Variants in B4GALT1 observed in about 807,000 individuals in gnomAD.
B4GALT1 encodes the protein beta-1,4-galactosyltransferase 1, also known as N-acetyllactosamine synthase.
Under a neutral mutation model 34.9 loss-of-function variants are expected in B4GALT1, and 16 were observed. That is an observed-to-expected ratio of 0.46 (90% CI 0.31 to 0.70). The LOEUF (loss-of-function observed/expected upper bound fraction) is 0.70, where lower values mean the gene tolerates loss of function less well. B4GALT1 is among the 30% of genes least tolerant of loss of function. B4GALT1 has a pLI of 0.05. For synonymous variants in B4GALT1, 221 were observed against 218.1 expected, an observed-to-expected ratio of 1.01 and a Z score of -0.12; for missense variants, 445 against 530.5, an observed-to-expected ratio of 0.84 and a Z score of 1.58.
chr9:33,150,144 G>GATATATACACACACACACAT (rs1840489458), intron 1 of B4GALT1, among the ~76,000 whole-genome samples: 1 of 148,816 alleles, frequency 6.7e-6, no homozygotes, highest in African/African-American at 2.5e-5. Flanking sequence ...TATAGATATA[G>GATATATACACACACACACAT]ATATATACAC....
intron 2 of B4GALT1, among the ~76,000 whole-genome samples, chr9:33,129,897 AGGAG>A (rs1302983619): frequency 6.6e-6 from 1 of 152,068 alleles, no homozygotes; most frequent in East Asian, 1.9e-4. Flanking sequence ...AGTGGAGAGG[AGGAG>A]GAAGTGGCTG....
intron 1 of B4GALT1, among the ~76,000 whole-genome samples, chr9:33,157,476 G>A (rs1840612943): frequency 1.3e-5 from 2 of 152,108 alleles, no homozygotes; most frequent in Non-Finnish European, 2.9e-5. Context: ...AAGGATACTA[G>A]ACAGCAACAA....
chr9:33,130,542 C>A (rs564483116), intron 2 of B4GALT1, among the ~76,000 whole-genome samples: 6 of 69,524 alleles, frequency 8.6e-5, no homozygotes, highest in Non-Finnish European at 1.7e-4. Context: ...CCTCTCCCGG[C>A]TCATTCCTTC....
At chr9:33,135,560 A>G (rs1564044645) in intron 1 of B4GALT1, 136 bp from the exon 2 acceptor site, 1 of 826,280 alleles carries the variant, frequency 1.2e-6, no homozygotes, top group Non-Finnish European at 2.0e-6. Context: ...GGCCACGGAG[A>G]GGGCCCTCCT....
At chr9:33,129,691 A>T (rs770823549) in intron 2 of B4GALT1, among the ~76,000 whole-genome samples, 1 of 152,202 alleles carries the variant, frequency 6.6e-6, no homozygotes, top group Non-Finnish European at 1.5e-5. Context: ...ATCCCTTTCC[A>T]GAAAGTTCTG....
chr9:33,108,511 C>T (rs145361417), downstream of B4GALT1, among the ~76,000 whole-genome samples: 11 of 151,430 alleles, frequency 7.3e-5, no homozygotes, highest in Admixed American at 2.6e-4. Context: ...GAGGCCAAGT[C>T]ATTTGCTCAT....
upstream of B4GALT1, chr9:33,167,373 G>A (rs1346867938): frequency 8.5e-6 from 5 of 587,062 alleles, no homozygotes; most frequent in Non-Finnish European, 1.3e-5. Context: ...GGAGAGGGGA[G>A]GGGCGGGGCC....
intron 1 of B4GALT1, among the ~76,000 whole-genome samples, chr9:33,144,393 C>A (rs778672644): frequency 1.2e-4 from 19 of 152,092 alleles, no homozygotes; most frequent in Admixed American, 2.6e-4. Context: ...TGCCACCACA[C>A]CCAGCTAATT....
intron 5 of B4GALT1, 70 bp from the exon 6 acceptor site, chr9:33,113,656 T>A (rs1839897593): frequency 1.2e-5 from 20 of 1,609,740 alleles, no homozygotes; most frequent in Non-Finnish European, 1.6e-5. Flanking sequence ...CACACGTACT[T>A]CCTCCTCCCT....
chr9:33,129,640 C>G (rs1029663219), intron 2 of B4GALT1, among the ~76,000 whole-genome samples: 1 of 152,198 alleles, frequency 6.6e-6, no homozygotes, highest in East Asian at 1.9e-4. Flanking sequence ...ATGAGGGACT[C>G]AGAGTCCGGG....
intron 1 of B4GALT1, among the ~76,000 whole-genome samples, chr9:33,161,039 C>CTT (rs72084206): frequency 2.6e-4 from 39 of 151,928 alleles, no homozygotes; most frequent in African/African-American, 9.2e-4. Flanking sequence ...CTCTCTCTCT[C>CTT]TCTCTCTGCC....
chr9:33,169,469 C>T (rs1474160378), upstream of B4GALT1, among the ~76,000 whole-genome samples: 3 of 152,034 alleles, frequency 2.0e-5, no homozygotes, highest in African/African-American at 7.2e-5. Context: ...CCTTTTCAGA[C>T]TACCTTATGC....
chr9:33,120,381 G>C (rs1267368031), intron 3 of B4GALT1, 38 bp downstream of exon 3: 4 of 1,607,250 alleles, frequency 2.5e-6, no homozygotes, highest in African/African-American at 2.7e-5. Context: ...ACATGAGAGA[G>C]ACATGTTTAC....
intron 1 of B4GALT1, among the ~76,000 whole-genome samples, chr9:33,155,793 G>A (rs1294960895): frequency 6.6e-6 from 1 of 152,140 alleles, no homozygotes; most frequent in Admixed American, 6.5e-5. Context: ...TGCCTTTTGT[G>A]CCCAAGAAGA....
the B4GALT1 span, among the ~76,000 whole-genome samples, chr9:33,184,907 A>G: frequency 6.6e-6 from 1 of 152,224 alleles, no homozygotes; most frequent in East Asian, 1.9e-4. Flanking sequence ...CAAAAGAAAT[A>G]TTATAAACTC....
rs1554687995 is a variant in B4GALT1 at position 33,150,168 on chromosome 9, T to TACACACACACATATATATGA, written c.413-14745_413-14744insTCATATATATGTGTGTGTGT. On this transcript the variant is annotated intron_variant, in intron 1 of 5. Transcript: ENST00000379731. ...AGATATATACACACACACATATATA[T>TACACACACACATATATATGA]GAGAGAGAGAGATCTAGATACATCT... is the stretch of plus-strand genomic sequence containing the variant. Among the ~76,000 whole-genome samples the TACACACACACATATATATGA allele has an allele frequency of 0.019, 1,413 of 75,282 alleles. 83 individuals carry two copies. In the East Asian group the frequency reaches 0.35, roughly 18 times the overall value. 49.4% of individuals were successfully genotyped at this position (75,282 alleles called of 152,430 possible).
At chr9:33,155,919 G>A (rs967779576) in intron 1 of B4GALT1, among the ~76,000 whole-genome samples, 2 of 152,110 alleles carry the variant, frequency 1.3e-5, no homozygotes, top group African/African-American at 2.4e-5. Context: ...ATTTTATGTA[G>A]TAAGAAAATC....
intron 3 of B4GALT1, among the ~76,000 whole-genome samples, chr9:33,118,896 C>A (rs1256294855): frequency 1.8e-5 from 2 of 109,094 alleles, no homozygotes; most frequent in African/African-American, 9.4e-5. Context: ...GAGTCTTGCT[C>A]TGTTGCCCAA....
chr9:33,167,125 T>C lies in B4GALT1; in HGVS notation c.45A>G (p.Pro15=). 6.2e-7 allele frequency: 1 copy of C among 1,602,960 alleles called. No individual in the cohort carries two copies. Among genetic ancestry groups the C allele is most frequent in the Non-Finnish European group, 8.5e-7 (1 of 1,177,122 alleles). Residue 15 remains proline (P), a synonymous_variant, in exon 1 of 6, where the codon CCA becomes CCG. Coordinates refer to ENST00000379731, the MANE Select transcript of B4GALT1 (RefSeq NM_001497.4). The part of the protein sequence containing the change: ...EPLLSGSAAM[P]GASLQRACRL... ...GGCAGGCCCGCTGTAGGGACGCGCCTGGCATCGCGGCGCTGCCGCTCAGGA... is the reference window on the plus strand; with the variant it reads ...GGCAGGCCCGCTGTAGGGACGCGCCCGGCATCGCGGCGCTGCCGCTCAGGA...
Sources: gnomAD v4.1 joint callset for allele counts (sites outside exome capture counted in the v4.1 genomes callset) on GRCh38, gnomAD v4.1.1 for gene constraint, MANE v1.5 for transcripts, NCBI Gene and HGNC (gene_info 2026-07-23, HGNC 2026-07-21) for gene names.